Variants in COG4 observed in about 807,000 individuals in gnomAD.
COG4 encodes component of oligomeric golgi complex 4, also known as conserved oligomeric Golgi complex subunit 4.
Under a neutral mutation model 95.1 loss-of-function variants are expected in COG4, and 65 were observed. The observed-to-expected ratio is 0.68, with a 90% CI of 0.56 to 0.84. The LOEUF (loss-of-function observed/expected upper bound fraction) is 0.84, where lower values mean the gene tolerates loss of function less well. Ranked by LOEUF, COG4 falls within the 40% of genes least tolerant of loss-of-function variation. COG4 has a pLI of 0.00. For synonymous variants in COG4, 421 were observed against 374.8 expected (o/e 1.12, Z -1.42); for missense variants, 1,045 against 989.1 (o/e 1.06, Z -0.76).
At chr16:70,481,516 C>T (rs1433840528) in intron 17 of COG4, 29 bp from the exon 18 acceptor site, 9 of 1,610,042 alleles carry the variant, frequency 5.6e-6, no homozygotes, top group African/African-American at 2.7e-5. Flanking sequence ...CCAGTCACTA[C>T]TTAGGCCTGG....
At position 70,503,469 on chromosome 16, in the gene COG4, G is replaced by A. The variant is rs561276613; in HGVS notation, c.1062-2378C>T. ...GATCTCTCCATATCCACCATTTCAG[G>A]CTCTCCTCTACTCTTTGAACTTCAG... is the stretch of plus-strand genomic sequence containing the variant. On this transcript the variant is annotated intron_variant, in intron 8 of 18. Transcript: ENST00000323786. Among the ~76,000 whole-genome samples the A allele has an allele frequency of 3.3e-5, 5 of 152,250 alleles. No individual in the cohort carries two copies. The East Asian group carries it at 9.6e-4, about 29-fold the overall frequency.
chr16:70,521,424 G>A (rs569802270), intron 1 of COG4, among the ~76,000 whole-genome samples: 4 of 152,040 alleles, frequency 2.6e-5, no homozygotes, highest in East Asian at 3.9e-4. Context: ...GTTTCGCCAC[G>A]TTGGCCAGGT....
chr16:70,500,882 G>T, intron 9 of COG4, 76 bp downstream of exon 9: 1 of 1,559,284 alleles, frequency 6.4e-7, no homozygotes, highest in Non-Finnish European at 8.8e-7. Flanking sequence ...CTTAATAAGA[G>T]ATTTGTGGCT....
At chr16:70,508,576 A>G in intron 7 of COG4, 112 bp from the exon 8 acceptor site, 1 of 923,908 alleles carries the variant, frequency 1.1e-6, no homozygotes, top group South Asian at 1.3e-5. Context: ...TAGTTTGTTT[A>G]CCAGGTTTAC....
In COG4 at chr16:70,516,727, C is replaced by CT. The variant is rs567273996; in HGVS notation, c.369+898dup. 7.1e-3 allele frequency among the ~76,000 whole-genome samples: 1,057 copies of CT among 148,390 alleles called. 12 individuals carry two copies. The highest frequency in any genetic ancestry group is 0.023 in the African/African-American group (919 of 40,472). On this transcript the variant is annotated intron_variant, in intron 3 of 18. Coordinates refer to ENST00000323786, the MANE Select transcript of COG4 (RefSeq NM_015386.3). The stretch of plus-strand genomic sequence containing the variant: ...GCTCTTCTAATCTCTAATGTGGTAG[C>CT]TTTTTTTTTTAAATAGAAGCTGGTA...
Position 70,523,362 on chromosome 16 carries a change from C to A in COG4, c.171+11G>T. 2 of 1,614,028 alleles carry A rather than the reference C, an allele frequency of 1.2e-6. No homozygotes were observed. The highest frequency in any genetic ancestry group is 2.2e-5 in the South Asian group (2 of 91,084). On this transcript the variant is annotated intron_variant, in intron 1 of 18. Coordinates refer to ENST00000323786, the MANE Select transcript of COG4 (RefSeq NM_015386.3). The stretch of plus-strand genomic sequence containing the variant: ...GATCCTCCATGAAAAAGAAGAGGCT[C>A]GACCCCGCACCTCCTCGCCGCAGAG...
At chr16:70,489,375 G>A (rs1052609153) in intron 13 of COG4, among the ~76,000 whole-genome samples, 2 of 151,340 alleles carry the variant, frequency 1.3e-5, no homozygotes, top group African/African-American at 4.9e-5. Flanking sequence ...CTGCCACCAT[G>A]GCTGGCTCAT....
chr16:70,509,449 T>C (rs889438253), intron 6 of COG4, 61 bp from the exon 7 acceptor site: 1 of 1,596,898 alleles, frequency 6.3e-7, no homozygotes, highest in Non-Finnish European at 8.6e-7. Flanking sequence ...ATAAACTTGC[T>C]CCCATCCAGG....
At position 70,496,358 on chromosome 16, in the gene COG4, T is replaced by C. The variant is rs1481422057; in HGVS notation, c.1555A>G (p.Ser519Gly). 6.2e-7 allele frequency: 1 copy of C among 1,614,206 alleles called. No homozygotes were observed. The highest frequency in any genetic ancestry group is 8.5e-7 in the Non-Finnish European group (1 of 1,180,038). Residue 519 changes from serine to glycine, a missense_variant, in exon 12 of 19, where the codon AGT (serine) becomes GGT (glycine). By Grantham distance (56) the Ser-to-Gly change is moderately conservative. Coordinates refer to ENST00000323786, the MANE Select transcript of COG4 (RefSeq NM_015386.3). ...CTGCTGTGCATGATGTTCACGGCACTTGTCACCCCGCGCTGGATGTCCTGG... is the reference window on the plus strand; with the variant it reads ...CTGCTGTGCATGATGTTCACGGCACCTGTCACCCCGCGCTGGATGTCCTGG... ...TFQDIQRGVT[S>G]AVNIMHSSLQ...
At position 70,509,299 on chromosome 16, in the gene COG4, C is replaced by A. The variant is rs757506498; in HGVS notation, c.934G>T (p.Val312Leu). The A allele has an allele frequency of 6.2e-7, 1 of 1,614,210 alleles. No individual in the cohort carries two copies. Among genetic ancestry groups the A allele is most frequent in the African/African-American group, 1.3e-5 (1 of 75,052 alleles). ...RLYTLIKYLQ[V>L]ECDRQVEKVV... is the part of the protein sequence containing the mutation. Reference sequence around the variant, plus strand: ...TTCTCCACCTGTCTGTCACATTCCACCTGCAGATATTTGATCAGGGTATAG... The same window carrying A: ...TTCTCCACCTGTCTGTCACATTCCAACTGCAGATATTTGATCAGGGTATAG... The change falls in exon 7 of 19, where the codon GTG (valine) becomes TTG (leucine). Residue 312 changes from valine (V) to leucine (L), a missense_variant. By Grantham distance (32) the Val-to-Leu change is conservative. Transcript: ENST00000323786.
rs2048993736 is a variant in COG4, at chr16:70,481,587, G to A, written c.2107-100C>T. 40 of 1,561,502 alleles carry A rather than the reference G, an allele frequency of 2.6e-5. No individual in the cohort carries two copies. The South Asian group carries it at 4.2e-4, about 17-fold the overall frequency. On this transcript the variant is annotated intron_variant, in intron 17 of 18. Coordinates refer to ENST00000323786, the MANE Select transcript of COG4 (RefSeq NM_015386.3). ...GGGTGGCAAGGCCCGCCAGGCCTCA[G>A]GTGGTGCCCTGTGGTTTGTTTGCTC...
chr16:70,507,034 T>G (rs1235489362), intron 8 of COG4, among the ~76,000 whole-genome samples: 1 of 151,884 alleles, frequency 6.6e-6, no homozygotes, highest in Admixed American at 6.6e-5. Context: ...CTAGGCAACA[T>G]GGCAAAACCT....
rs146747816 is a variant in COG4 at position 70,482,255 on chromosome 16, G to A, written c.1921-80C>T. 0.027 allele frequency: 24,314 copies of A among 908,110 alleles called. 457 individuals carry two copies. Among genetic ancestry groups the A allele is most frequent in the Non-Finnish European group, 0.034 (18,598 of 539,728 alleles). 56.3% of individuals were successfully genotyped at this position (908,110 alleles called of 1,614,324 possible). On this transcript the variant is annotated intron_variant, in intron 15 of 18. Transcript: ENST00000323786. Reference sequence around the variant, plus strand: ...TTGCCACCCACCTCTATCCCTCTAAGAAAATAATGTAAAACATTCTTCCTT... The same window carrying A: ...TTGCCACCCACCTCTATCCCTCTAAAAAAATAATGTAAAACATTCTTCCTT...
At position 70,482,797 on chromosome 16, in the gene COG4, T is replaced by C; in HGVS notation, c.1852A>G (p.Thr618Ala). ...LQEGLTELNS[T>A]AIKPQVQPWI... ...GGCTGCACCTGTGGCTTGATGGCTGTGCTGTTGAGCTCCGTCAGCCCTTCC... is the reference window on the plus strand; with the variant it reads ...GGCTGCACCTGTGGCTTGATGGCTGCGCTGTTGAGCTCCGTCAGCCCTTCC... Residue 618 changes from threonine to alanine, a missense_variant, in exon 15 of 19, where the codon ACA (threonine) becomes GCA (alanine). By Grantham distance (58) the Thr-to-Ala change is moderately conservative. Transcript: ENST00000323786. 6.2e-7 allele frequency: 1 copy of C among 1,613,844 alleles called. No individual in the cohort carries two copies.
rs377724802 is a variant in COG4, at chr16:70,481,730, C to T, written c.2106+34G>A. The T allele has an allele frequency of 1.4e-4, 222 of 1,571,724 alleles. 2 individuals are homozygous for T. In the Middle Eastern group the frequency reaches 2.2e-3, roughly 15 times the overall value. On this transcript the variant is annotated intron_variant, in intron 17 of 18. Coordinates refer to ENST00000323786, the MANE Select transcript of COG4 (RefSeq NM_015386.3). ...TGACATGTCTTCCTCAGAGGAGAAA[C>T]GAGAGCCGCAGACCCATGACCCCTT... is the stretch of plus-strand genomic sequence containing the variant.
intron 10 of COG4, 128 bp from the exon 11 acceptor site, chr16:70,497,515 G>A (rs1037209275): frequency 2.7e-5 from 24 of 877,318 alleles, no homozygotes; most frequent in South Asian, 2.4e-4. Context: ...CCAACATGGC[G>A]TGCATCCTCC....
Position 70,512,401 on chromosome 16 carries a change from C to T in COG4, c.576G>A (p.Leu192=). The T allele has an allele frequency of 6.2e-7, 1 of 1,614,100 alleles. No homozygotes were observed. Among genetic ancestry groups the T allele is most frequent in the Non-Finnish European group, 8.5e-7 (1 of 1,180,002 alleles). The change falls in exon 5 of 19, where the codon CTG becomes CTA. Residue 192 remains leucine (L), a synonymous_variant. Transcript: ENST00000323786. The stretch of plus-strand genomic sequence containing the variant: ...CTTTGAGACGTTGCTCAGCTTCCTG[C>T]AGCAATTTCAGGTTGGCATCAATCA... ...GSMIDANLKL[L]QEAEQRLKAI...
rs764026543 is a variant in COG4, at chr16:70,523,526, C to T, written c.18G>A (p.Ala6=). 8 of 1,614,006 alleles carry T rather than the reference C, an allele frequency of 5.0e-6. No homozygotes were observed. The highest frequency in any genetic ancestry group is 2.2e-5 in the East Asian group (1 of 44,876). ...ACAGCTTCGGAGGCGAATCAAGGTC[C>T]GCCATCTTGGTCCCCATTCGGCACT... MGTKM[A]DLDSPPKLSG... Residue 6 remains alanine (A), a synonymous_variant, in exon 1 of 19, where the codon GCG becomes GCA. Coordinates refer to ENST00000323786, the MANE Select transcript of COG4 (RefSeq NM_015386.3).
intron 10 of COG4, among the ~76,000 whole-genome samples, chr16:70,497,711 C>T (rs1053220778): frequency 6.6e-6 from 1 of 152,016 alleles, no homozygotes; most frequent in African/African-American, 2.4e-5. Flanking sequence ...AAGAGCTGAG[C>T]TGAGCTGTTC....
Sources: gnomAD v4.1 joint callset for allele counts (sites outside exome capture counted in the v4.1 genomes callset) on GRCh38, gnomAD v4.1.1 for gene constraint, MANE v1.5 for transcripts, NCBI Gene and HGNC (gene_info 2026-07-23, HGNC 2026-07-21) for gene names.